The following PLA2G4A variants were observed in gnomAD, a reference collection of about 807,000 sequenced individuals.
PLA2G4A encodes the protein cytosolic phospholipase A2.
Under a neutral mutation model 81.9 loss-of-function variants are expected in PLA2G4A, and 40 were observed. The ratio of observed to expected loss-of-function variants is 0.49; its 90% CI spans 0.38 to 0.64. PLA2G4A has a LOEUF of 0.64. Ranked by LOEUF, PLA2G4A falls within the 30% of genes least tolerant of loss-of-function variation. The probability of loss-of-function intolerance (pLI) is 0.00; values close to 1 mark genes in which losing one functional copy is unlikely to be tolerated. For synonymous variants in PLA2G4A, 302 were observed against 296.9 expected (o/e 1.02, Z -0.18); for missense variants, 715 against 905.1 (o/e 0.79, Z 2.69).
chr1:186,904,466 T>C (rs574942818), intron 5 of PLA2G4A, among the ~76,000 whole-genome samples: 1 of 152,364 alleles, frequency 6.6e-6, no homozygotes, highest in East Asian at 1.9e-4. Context: ...AGGTAAAAGG[T>C]GCAGAGAGAT....
At chr1:186,880,984 C>G (rs1653709728) in intron 3 of PLA2G4A, among the ~76,000 whole-genome samples, 2 of 151,988 alleles carry the variant, frequency 1.3e-5, no homozygotes, top group East Asian at 3.9e-4. Context: ...CCCATTTTCC[C>G]ATGAATATCA....
intron 13 of PLA2G4A, among the ~76,000 whole-genome samples, chr1:186,955,812 C>A (rs1323070839): frequency 2.1e-5 from 3 of 142,998 alleles, no homozygotes; most frequent in East Asian, 4.3e-4. Flanking sequence ...CGGCTCACTG[C>A]AACCTCCGCC....
At chr1:186,934,982 C>T (rs1361699215) in intron 8 of PLA2G4A, among the ~76,000 whole-genome samples, 2 of 151,820 alleles carry the variant, frequency 1.3e-5, no homozygotes, top group African/African-American at 2.4e-5. Flanking sequence ...TTAGCTATTA[C>T]CACCAAGAAT....
chr1:186,890,258 A>G (rs1275736162), intron 3 of PLA2G4A, among the ~76,000 whole-genome samples: 1 of 152,206 alleles, frequency 6.6e-6, no homozygotes, highest in African/African-American at 2.4e-5. Flanking sequence ...CTGAAGATGT[A>G]CAGCTGAGGA....
At chr1:186,976,642 C>T (rs1377034843) in intron 15 of PLA2G4A, among the ~76,000 whole-genome samples, 1 of 152,202 alleles carries the variant, frequency 6.6e-6, no homozygotes, top group Non-Finnish European at 1.5e-5. Context: ...ATCTGTGCTT[C>T]TCCCACTATG....
At chr1:186,831,185 C>T (rs1651574668) in intron 1 of PLA2G4A, among the ~76,000 whole-genome samples, 1 of 152,022 alleles carries the variant, frequency 6.6e-6, no homozygotes, top group Non-Finnish European at 1.5e-5. Context: ...AAGAAGTTCA[C>T]AAATCCCCAA....
intron 13 of PLA2G4A, among the ~76,000 whole-genome samples, chr1:186,955,466 G>A (rs1044495730): frequency 1.8e-4 from 27 of 152,162 alleles, no homozygotes; most frequent in Admixed American, 3.9e-4. Context: ...ATGCAAGTGC[G>A]TGCACTTGAA....
At chr1:186,872,721 T>A (rs113481811) in intron 3 of PLA2G4A, among the ~76,000 whole-genome samples, 3 of 152,238 alleles carry the variant, frequency 2.0e-5, no homozygotes, top group African/African-American at 7.2e-5. Flanking sequence ...AAAAAAGTAA[T>A]GCTGAAAGTT....
At chr1:186,842,471 C>T (rs1652022627) in intron 1 of PLA2G4A, among the ~76,000 whole-genome samples, 1 of 152,136 alleles carries the variant, frequency 6.6e-6, no homozygotes, top group South Asian at 2.1e-4. Flanking sequence ...TCATTAAAAC[C>T]TGTTACGGGC....
chr1:186,957,910 C>G (rs1050259330), intron 14 of PLA2G4A, among the ~76,000 whole-genome samples: 3 of 152,196 alleles, frequency 2.0e-5, no homozygotes, highest in African/African-American at 7.2e-5. Flanking sequence ...CCTCAATCAT[C>G]TATGTCTAAG....
At chr1:186,911,201 G>A in intron 6 of PLA2G4A, 47 bp from the exon 7 acceptor site, 1 of 1,583,086 alleles carries the variant, frequency 6.3e-7, no homozygotes, top group Non-Finnish European at 8.7e-7. Context: ...TGGAAAACCA[G>A]ACCACTGGGA....
At chr1:186,975,010 C>T (rs1465822205) in intron 15 of PLA2G4A, among the ~76,000 whole-genome samples, 1 of 152,218 alleles carries the variant, frequency 6.6e-6, no homozygotes, top group Non-Finnish European at 1.5e-5. Flanking sequence ...ACCCCAAAAT[C>T]CACACATCAC....
intron 6 of PLA2G4A, 54 bp downstream of exon 6, chr1:186,907,056 A>T: frequency 1.1e-6 from 1 of 931,996 alleles, no homozygotes; most frequent in East Asian, 2.4e-5. Context: ...CCACTAATTT[A>T]TTTTAATTGT....
Position 186,907,024 on chromosome 1 carries a change from G to C in PLA2G4A, c.416+22G>C, listed in dbSNP as rs775880623. The C allele has an allele frequency of 3.1e-6, 4 of 1,310,906 alleles. No individual in the cohort carries two copies. The East Asian group carries it at 9.2e-5, about 30-fold the overall frequency. The allele number at this position is 1,310,906 out of a possible 1,614,324, so 81.2% of individuals were successfully genotyped here. A position where few individuals can be genotyped will look rare whatever the true frequency, so the allele number is the denominator to read the frequency against. On this transcript the variant is annotated intron_variant, in intron 6 of 17. Transcript: ENST00000367466. ...TTTGGTAAGTGCATTTATTTAGTTG[G>C]ATGAGAAATATTGTGAGTGATCCAC...
chr1:186,981,450 T>C (rs1353680543), intron 17 of PLA2G4A, among the ~76,000 whole-genome samples: 2 of 152,200 alleles, frequency 1.3e-5, no homozygotes, highest in Non-Finnish European at 2.9e-5. Flanking sequence ...TGAACAAAAA[T>C]AGACTGAATC....
At chr1:186,902,277 C>T (rs61810976) in intron 5 of PLA2G4A, among the ~76,000 whole-genome samples, 84,958 of 151,970 alleles carry the variant, frequency 0.56, 25,197 homozygotes, top group African/African-American at 0.76. Context: ...CATCACTATG[C>T]AGTACATGAC....
At chr1:186,929,391 C>A (rs1220764164) in intron 7 of PLA2G4A, among the ~76,000 whole-genome samples, 1 of 152,204 alleles carries the variant, frequency 6.6e-6, no homozygotes, top group East Asian at 1.9e-4. Context: ...GTTCTTGACA[C>A]ATCTAATTTC....
At chr1:186,909,098 C>G (rs1013027257) in intron 6 of PLA2G4A, among the ~76,000 whole-genome samples, 23 of 149,480 alleles carry the variant, frequency 1.5e-4, no homozygotes, top group African/African-American at 5.6e-4. Flanking sequence ...CTCAGCCTCC[C>G]GAGTAGCTGG....
At chr1:186,830,987 TTTC>T (rs1391761770) in intron 1 of PLA2G4A, among the ~76,000 whole-genome samples, 1 of 141,438 alleles carries the variant, frequency 7.1e-6, no homozygotes, top group South Asian at 2.2e-4. Context: ...TCTTTCTTTC[TTTC>T]TTTCTTTCTT....
Sources: gnomAD v4.1 joint callset for allele counts (sites outside exome capture counted in the v4.1 genomes callset) on GRCh38, gnomAD v4.1.1 for gene constraint, MANE v1.5 for transcripts, NCBI Gene and HGNC (gene_info 2026-07-23, HGNC 2026-07-21) for gene names.